The following PARD3B variants were observed in gnomAD, a reference collection of about 807,000 sequenced individuals.
PARD3B encodes the protein partitioning defective 3 homolog B.
In PARD3B, 103 loss-of-function variants were observed where a neutral mutation model predicts 130.2. The ratio of observed to expected loss-of-function variants is 0.79; its 90% CI spans 0.67 to 0.93. The LOEUF (loss-of-function observed/expected upper bound fraction) is 0.93, where lower values mean the gene tolerates loss of function less well. Among genes scored for constraint, PARD3B ranks in the 40% least tolerant of loss-of-function variants. PARD3B has a pLI of 0.00. For missense variants in PARD3B, 1,609 were observed against 1,499.2 expected, an observed-to-expected ratio of 1.07 and a Z score of -1.21; for synonymous variants, 583 against 553.2, an observed-to-expected ratio of 1.05 and a Z score of -0.76.
intron 2 of PARD3B, among the ~76,000 whole-genome samples, chr2:204,790,138 G>C (rs1487283282): frequency 6.6e-6 from 1 of 152,154 alleles, no homozygotes; most frequent in Admixed American, 6.5e-5. Context: ...CCAGAGTGCT[G>C]GGATTACAGG....
intron 20 of PARD3B, among the ~76,000 whole-genome samples, chr2:205,443,672 G>T (rs2047804394): frequency 6.6e-6 from 1 of 152,296 alleles, no homozygotes; most frequent in East Asian, 1.9e-4. Context: ...CAAGAGCAAA[G>T]TGGCCTGAAA....
At chr2:204,735,527 G>A (rs1376404449) in intron 2 of PARD3B, among the ~76,000 whole-genome samples, 1 of 152,064 alleles carries the variant, frequency 6.6e-6, no homozygotes, top group African/African-American at 2.4e-5. Flanking sequence ...AAAAAGTTAT[G>A]TCAAAAACAA....
In PARD3B at chr2:205,440,761, T is replaced by G. The variant is rs560505923; in HGVS notation, c.3044+89T>G. The stretch of plus-strand genomic sequence containing the variant: ...CTGAAACCGATAAAAAATGTCTCCT[T>G]CAATCAATTAAAACTGAAACGAGTC... On this transcript the variant is annotated intron_variant, in intron 20 of 22. Coordinates refer to ENST00000406610, the MANE Select transcript of PARD3B (RefSeq NM_001302769.2). The surrounding 1 kb of genome is among the most constrained non-coding windows in gnomAD (Gnocchi z 4.2). The G allele has an allele frequency of 3.7e-6, 5 of 1,346,874 alleles. No homozygotes were observed. In the Admixed American group the frequency reaches 6.6e-5, roughly 18 times the overall value. The allele number at this position is 1,346,874 out of a possible 1,614,324, so 83.4% of individuals were successfully genotyped here.
At chr2:205,062,966 T>G (rs994848645) in intron 4 of PARD3B, among the ~76,000 whole-genome samples, 1 of 152,096 alleles carries the variant, frequency 6.6e-6, no homozygotes, top group Non-Finnish European at 1.5e-5. Flanking sequence ...ATTTTAAATA[T>G]AGTTGCAGTG....
At chr2:204,753,585 G>A (rs2040550491) in intron 2 of PARD3B, among the ~76,000 whole-genome samples, 1 of 152,092 alleles carries the variant, frequency 6.6e-6, no homozygotes, top group Non-Finnish European at 1.5e-5. Context: ...AGTTCCAGCT[G>A]TGTAATCAGT....
intron 2 of PARD3B, among the ~76,000 whole-genome samples, chr2:204,764,960 A>C (rs1392874397): frequency 2.0e-5 from 3 of 152,022 alleles, no homozygotes. Context: ...ATTCTGATTA[A>C]TATTCCAGTG....
At chr2:204,831,584 TAGAG>T (rs2043823550) in intron 2 of PARD3B, among the ~76,000 whole-genome samples, 1 of 152,206 alleles carries the variant, frequency 6.6e-6, no homozygotes, top group South Asian at 2.1e-4. Flanking sequence ...TGGTTACAGT[TAGAG>T]AGAAACAGAA....
chr2:204,817,527 C>T (rs553144234), intron 2 of PARD3B, among the ~76,000 whole-genome samples: 4 of 152,224 alleles, frequency 2.6e-5, no homozygotes, highest in African/African-American at 9.6e-5. Context: ...TGGGAAGAAG[C>T]ACTCCTCGGT....
rs563792904 is a variant in PARD3B at position 204,675,787 on chromosome 2, A to C, written c.121-10394A>C. ...AAGTGAAATATATGTCTCAATACTT[A>C]AATATTTTTCTATTTGAAAAAGGGA... On this transcript the variant is annotated intron_variant, in intron 1 of 22. Coordinates refer to ENST00000406610, the MANE Select transcript of PARD3B (RefSeq NM_001302769.2). The surrounding 1 kb of genome is among the most constrained non-coding windows in gnomAD (Gnocchi z 4.4). Among the ~76,000 whole-genome samples, 23 of 152,318 alleles carry C rather than the reference A, an allele frequency of 1.5e-4. No individual in the cohort carries two copies. The highest frequency in any genetic ancestry group is 5.3e-4 in the African/African-American group (22 of 41,560).
At chr2:204,743,257 T>C (rs1169161206) in intron 2 of PARD3B, among the ~76,000 whole-genome samples, 1 of 152,196 alleles carries the variant, frequency 6.6e-6, no homozygotes, top group Non-Finnish European at 1.5e-5. Context: ...TGATTTTTTT[T>C]CTGCTGCTCT....
chr2:204,598,424 C>T (rs1475774067), intron 1 of PARD3B, among the ~76,000 whole-genome samples: 1 of 152,060 alleles, frequency 6.6e-6, no homozygotes, highest in Non-Finnish European at 1.5e-5. Flanking sequence ...GGGTTCAAGT[C>T]CCAGCTGTTT....
rs11904131 is a variant in PARD3B, at chr2:204,798,143, G to T, written c.222+111861G>T. 6.3e-3 allele frequency among the ~76,000 whole-genome samples: 959 copies of T among 152,272 alleles called. 8 individuals are homozygous for T. The highest frequency in any genetic ancestry group is 0.021 in the African/African-American group (888 of 41,554). On this transcript the variant is annotated intron_variant, in intron 2 of 22. Coordinates refer to ENST00000406610, the MANE Select transcript of PARD3B (RefSeq NM_001302769.2). ...TATCACAGAAAAGGAAGAGGCACTGGAGAGGGTAGGAAGGACAGTCTTGAA... is the reference window on the plus strand; with the variant it reads ...TATCACAGAAAAGGAAGAGGCACTGTAGAGGGTAGGAAGGACAGTCTTGAA...
chr2:204,965,295 T>G lies in PARD3B; in HGVS notation c.366T>G (p.Ile122Met). The change falls in exon 3 of 23, where the codon ATT becomes ATG. Residue 122 changes from isoleucine (I) to methionine (M), a missense_variant. Physicochemically the swap from Ile to Met is conservative, Grantham distance 10. Transcript: ENST00000406610. ...LAAFKPIGGE[I>M]EVTPSALKLG... ...CATTTAAGCCAATTGGTGGGGAGATTGAAGTAACCCCTTCTGCTCTAAAAC... is the reference window on the plus strand; with the variant it reads ...CATTTAAGCCAATTGGTGGGGAGATGGAAGTAACCCCTTCTGCTCTAAAAC... 1 of 1,613,882 alleles carries G rather than the reference T, an allele frequency of 6.2e-7. No individual in the cohort carries two copies.
At chr2:205,206,835 A>T (rs1057030104) in intron 15 of PARD3B, among the ~76,000 whole-genome samples, 1 of 151,662 alleles carries the variant, frequency 6.6e-6, no homozygotes, top group East Asian at 2.0e-4. Context: ...AAGGATACCC[A>T]GGAATTGAAC....
intron 16 of PARD3B, among the ~76,000 whole-genome samples, chr2:205,295,473 C>T (rs1003309360): frequency 2.0e-5 from 3 of 152,014 alleles, no homozygotes; most frequent in African/African-American, 7.2e-5. Context: ...CACTAAGTGC[C>T]GTGAGGGCCA....
At chr2:205,399,504 A>ATG (rs2046165819) in intron 18 of PARD3B, among the ~76,000 whole-genome samples, 1 of 150,746 alleles carries the variant, frequency 6.6e-6, no homozygotes, top group Non-Finnish European at 1.5e-5. Flanking sequence ...ACAGGCATGC[A>ATG]CCACGACGCC....
rs1315356304 is a variant in PARD3B, at chr2:205,309,039, T to C, written c.2630+7338T>C. 2.6e-5 allele frequency among the ~76,000 whole-genome samples: 4 copies of C among 152,174 alleles called. No individual in the cohort carries two copies. Among genetic ancestry groups the C allele is most frequent in the African/African-American group, 9.6e-5 (4 of 41,466 alleles). On this transcript the variant is annotated intron_variant, in intron 18 of 22. Coordinates refer to ENST00000406610, the MANE Select transcript of PARD3B (RefSeq NM_001302769.2). The surrounding 1 kb of genome is among the most constrained non-coding windows in gnomAD (Gnocchi z 4.7). ...ATCAGAATTTAGCACACTATGGTAC[T>C]AAAGCCAAATCACTTTATGCCTGCT...
intron 19 of PARD3B, among the ~76,000 whole-genome samples, chr2:205,417,890 C>T (rs1437343792): frequency 6.6e-6 from 1 of 152,236 alleles, no homozygotes; most frequent in Admixed American, 6.5e-5. Flanking sequence ...GTCCCACCCA[C>T]TTTGTGTGCA....
chr2:205,597,779 G>T (rs908251708), intron 22 of PARD3B, among the ~76,000 whole-genome samples: 1 of 152,180 alleles, frequency 6.6e-6, no homozygotes, highest in African/African-American at 2.4e-5. Context: ...GCTAGTAGCG[G>T]ACTTTCAGCA....
Sources: allele counts gnomAD v4.1 joint callset (sites outside exome capture counted in the v4.1 genomes callset), GRCh38; gene constraint gnomAD v4.1.1; non-coding constraint Gnocchi (gnomAD v3.1); transcripts MANE v1.5; gene names NCBI Gene and HGNC (gene_info 2026-07-23, HGNC 2026-07-21).